NAP1L4: variants seen among roughly 807,000 people sequenced by gnomAD.
NAP1L4 encodes the protein nucleosome assembly protein 1 like 4, also known as nucleosome assembly protein 1-like 4.
In NAP1L4, 15 loss-of-function variants were observed where a neutral mutation model predicts 58.2. The ratio of observed to expected loss-of-function variants is 0.26; its 90% CI spans 0.17 to 0.40. NAP1L4 has a LOEUF of 0.40. NAP1L4 is among the 10% of genes least tolerant of loss of function. NAP1L4 has a pLI of 1.00. For synonymous variants in NAP1L4, 171 were observed against 155.6 expected (o/e 1.10, Z -0.74); for missense variants, 384 against 451.1 (o/e 0.85, Z 1.35).
chr11:2,964,804 C>T, intron 7 of NAP1L4, 53 bp from the exon 8 acceptor site: 1 of 1,353,998 alleles, frequency 7.4e-7, no homozygotes. Flanking sequence ...AACAACACAT[C>T]TCTCCCGAAG....
intron 10 of NAP1L4, among the ~76,000 whole-genome samples, chr11:2,957,696 T>A (rs1846625349): frequency 6.6e-6 from 1 of 152,234 alleles, no homozygotes; most frequent in South Asian, 2.1e-4. Flanking sequence ...CAACCTTTAC[T>A]AGCTCAAAGG....
intron 1 of NAP1L4, 128 bp downstream of exon 1, chr11:2,992,126 C>T (rs1849015142): frequency 6.6e-6 from 1 of 151,524 alleles, no homozygotes; most frequent in Non-Finnish European, 1.5e-5. Context: ...GCCCCTGCCC[C>T]ACCGCCCCGA....
In NAP1L4 at chr11:2,948,095, A is replaced by G. The variant is rs1274521062; in HGVS notation, c.*32+1132T>C. 6.6e-6 allele frequency among the ~76,000 whole-genome samples: 1 copy of G among 152,196 alleles called. No homozygotes were observed. The highest frequency in any genetic ancestry group is 1.5e-5 in the Non-Finnish European group (1 of 68,016). ...AGTGGGTGAGGGTACAGGTGGAATA[A>G]GAGTGGCTAAGTTCTTCAGACATGC... On this transcript the variant is annotated intron_variant, in intron 15 of 15. Transcript: ENST00000380542. The surrounding 1 kb of genome is among the most constrained non-coding windows in gnomAD (Gnocchi z 5.1).
chr11:2,974,374 C>A (rs1006095050), intron 4 of NAP1L4, among the ~76,000 whole-genome samples: 3 of 152,178 alleles, frequency 2.0e-5, no homozygotes, highest in Non-Finnish European at 2.9e-5. Context: ...CACTTCTAGT[C>A]CCACATAAAC....
At chr11:2,976,672 C>T (rs1000347165) in intron 3 of NAP1L4, among the ~76,000 whole-genome samples, 1 of 152,242 alleles carries the variant, frequency 6.6e-6, no homozygotes, top group Non-Finnish European at 1.5e-5. Flanking sequence ...CCCAAACCCA[C>T]CTCCCTCCAG....
intron 8 of NAP1L4, among the ~76,000 whole-genome samples, chr11:2,963,222 G>C (rs1216644978): frequency 1.3e-5 from 2 of 152,018 alleles, no homozygotes; most frequent in Admixed American, 6.5e-5. Context: ...TGAATCACAG[G>C]TAAGAAAGAA....
intron 7 of NAP1L4, 119 bp from the exon 8 acceptor site, chr11:2,964,870 T>C: frequency 1.4e-6 from 1 of 724,402 alleles, no homozygotes; most frequent in South Asian, 1.7e-5. Context: ...TGGAATTCTG[T>C]CCTTGTCAAA....
At position 2,976,090 on chromosome 11, in the gene NAP1L4, C is replaced by T. The variant is rs374123149; in HGVS notation, c.107G>A (p.Arg36Gln). The T allele has an allele frequency of 3.7e-5, 59 of 1,613,796 alleles. No individual in the cohort carries two copies. In the African/African-American group the frequency reaches 6.7e-4, roughly 18 times the overall value. ...TCGCTCCTGTAAAGCTGCCAGAACT[C>T]GAGGATTCTGCATCACCTGATCTGT... ...KLTDQVMQNP[R>Q]VLAALQERLD... Residue 36 changes from arginine (R) to glutamine (Q), a missense_variant, in exon 4 of 16, where the codon CGA (arginine) becomes CAA (glutamine). By Grantham distance (43) the Arg-to-Gln change is conservative (BLOSUM62 1). Transcript: ENST00000380542.
At chr11:2,961,794 A>G (rs1305206246) in intron 8 of NAP1L4, among the ~76,000 whole-genome samples, 2 of 152,188 alleles carry the variant, frequency 1.3e-5, no homozygotes, top group Non-Finnish European at 2.9e-5. Context: ...GGCCTCCTAA[A>G]GTGCTGGGAT....
rs763702814 is a variant in NAP1L4, at chr11:2,979,183, T to C, written c.14+24A>G. The C allele has an allele frequency of 1.1e-5, 17 of 1,607,298 alleles. No homozygotes were observed. In the South Asian group the frequency reaches 1.7e-4, roughly 16 times the overall value. On this transcript the variant is annotated intron_variant, in intron 2 of 15. Coordinates refer to ENST00000380542, the MANE Select transcript of NAP1L4 (RefSeq NM_005969.4). ...TCACCAACTGAATTTTAAACTCCAA[T>C]AAACAAAGTCCACTTTGGCTTACCT...
chr11:2,980,201 A>AT (rs1253551773), intron 1 of NAP1L4, among the ~76,000 whole-genome samples: 1 of 151,980 alleles, frequency 6.6e-6, no homozygotes, highest in Non-Finnish European at 1.5e-5. Context: ...AAAAGTTATC[A>AT]TTTTTTTTGA....
rs952068905 is a variant in NAP1L4, at chr11:2,977,008, G to C, written c.74-885C>G. 9.2e-5 allele frequency among the ~76,000 whole-genome samples: 14 copies of C among 152,144 alleles called. No individual in the cohort carries two copies. The East Asian group carries it at 1.7e-3, about 19-fold the overall frequency. ...TCCCGAGTATTCTCCCATGATGTGG[G>C]TAAGTCAAACACACCAAGCAGGCAC... On this transcript the variant is annotated intron_variant, in intron 3 of 15. Coordinates refer to ENST00000380542, the MANE Select transcript of NAP1L4 (RefSeq NM_005969.4).
At chr11:2,982,332 C>G (rs1848369830) in intron 1 of NAP1L4, among the ~76,000 whole-genome samples, 1 of 152,204 alleles carries the variant, frequency 6.6e-6, no homozygotes, top group Admixed American at 6.5e-5. Flanking sequence ...TATCTCATAG[C>G]ACCTTCCTTA....
At chr11:2,991,907 C>T (rs1260723605) in intron 1 of NAP1L4, 1 of 152,240 alleles carries the variant, frequency 6.6e-6, no homozygotes, top group Non-Finnish European at 1.5e-5. Context: ...CGCCTCTCGC[C>T]GTCTTCGCCT....
At position 2,955,781 on chromosome 11, in the gene NAP1L4, G is replaced by T. The variant is rs1434007615; in HGVS notation, c.893-15C>A. ...ATCCCCGGATGCTAGAAAAAGAAAA[G>T]ACAAAACATATTTAAATTACAGTGA... On this transcript the variant is annotated splice_polypyrimidine_tract_variant and intron_variant, in intron 10 of 15. Coordinates refer to ENST00000380542, the MANE Select transcript of NAP1L4 (RefSeq NM_005969.4). This position sits in a 1 kb window ranked among gnomAD's most constrained non-coding sequence, Gnocchi z 4.2. 5 of 1,611,158 alleles carry T rather than the reference G, an allele frequency of 3.1e-6. No homozygotes were observed. In the African/African-American group the frequency reaches 5.3e-5, roughly 17 times the overall value.
At chr11:2,980,372 A>C (rs1039198358) in intron 1 of NAP1L4, among the ~76,000 whole-genome samples, 1 of 152,050 alleles carries the variant, frequency 6.6e-6, no homozygotes, top group Non-Finnish European at 1.5e-5. Context: ...TTTTGTAGAG[A>C]TAGGGTCTGG....
Position 2,971,528 on chromosome 11 carries a change from C to T in NAP1L4, c.322G>A (p.Glu108Lys), listed in dbSNP as rs1349412544. Reference protein sequence around the residue: ...LYQPLFDKRREFITGDVEPTD... With the variant: ...LYQPLFDKRRKFITGDVEPTD... Reference sequence around the variant, plus strand: ...GGTTCAACATCGCCGGTGATAAATTCTCTTCTCTACATAAAAATGAGACCT... The same window carrying T: ...GGTTCAACATCGCCGGTGATAAATTTTCTTCTCTACATAAAAATGAGACCT... The change falls in exon 6 of 16, where the codon GAA (glutamate) becomes AAA (lysine). Residue 108 changes from glutamate (E) to lysine (K), a missense_variant. Transcript: ENST00000380542. The surrounding 1 kb of genome is among the most constrained non-coding windows in gnomAD (Gnocchi z 4.2). 6.2e-7 allele frequency: 1 copy of T among 1,613,182 alleles called. No homozygotes were observed. Among genetic ancestry groups the T allele is most frequent in the Non-Finnish European group, 8.5e-7 (1 of 1,179,814 alleles).
intron 15 of NAP1L4, among the ~76,000 whole-genome samples, chr11:2,945,995 G>A (rs886950855): frequency 1.3e-5 from 2 of 152,150 alleles, no homozygotes; most frequent in Non-Finnish European, 1.5e-5. Flanking sequence ...AGCACAGTGC[G>A]CTCAACACGG....
At chr11:2,975,966 C>T in intron 4 of NAP1L4, 58 bp downstream of exon 4, 2 of 1,472,176 alleles carry the variant, frequency 1.4e-6, no homozygotes, top group Admixed American at 2.0e-5. Flanking sequence ...AGTGGTTTTT[C>T]CTTTATTTTC....
Sources: gnomAD v4.1 joint callset for allele counts (sites outside exome capture counted in the v4.1 genomes callset) on GRCh38, gnomAD v4.1.1 for gene constraint, Gnocchi (gnomAD v3.1) non-coding constraint, MANE v1.5 for transcripts, NCBI Gene and HGNC (gene_info 2026-07-23, HGNC 2026-07-21) for gene names.